Variants in KCNQ3 observed in about 807,000 individuals in gnomAD.
KCNQ3 encodes the protein potassium voltage-gated channel subfamily KQT member 3.
KCNQ3 carries 30 observed loss-of-function variants against 92.5 expected under a neutral mutation model. The observed-to-expected ratio is 0.32, with a 90% CI of 0.24 to 0.44. The LOEUF is 0.44. KCNQ3 is among the 20% of genes least tolerant of loss of function. The pLI is 1.00. For synonymous variants in KCNQ3, 450 were observed against 468.8 expected, an observed-to-expected ratio of 0.96 and a Z score of 0.52; for missense variants, 913 against 1,140.3, an observed-to-expected ratio of 0.80 and a Z score of 2.87.
intron 1 of KCNQ3, among the ~76,000 whole-genome samples, chr8:132,283,011 TG>T (rs1401422125): frequency 6.6e-6 from 1 of 151,666 alleles, no homozygotes; most frequent in East Asian, 1.9e-4. Context: ...AGACAGTGGC[TG>T]GGAGGGAATC....
intron 1 of KCNQ3, among the ~76,000 whole-genome samples, chr8:132,303,734 G>C (rs1817325167): frequency 7.4e-6 from 1 of 135,274 alleles, no homozygotes; most frequent in Admixed American, 7.7e-5. Flanking sequence ...ATATGTACAT[G>C]CCACACATAT....
chr8:132,374,981 T>A (rs1346029656), intron 1 of KCNQ3, among the ~76,000 whole-genome samples: 1 of 152,230 alleles, frequency 6.6e-6, no homozygotes, highest in Non-Finnish European at 1.5e-5. Flanking sequence ...AGGGCTGCAG[T>A]GAACATTCAT....
intron 1 of KCNQ3, among the ~76,000 whole-genome samples, chr8:132,466,523 T>C (rs1216389784): frequency 6.6e-6 from 1 of 152,188 alleles, no homozygotes; most frequent in Non-Finnish European, 1.5e-5. Context: ...CATTCCTGGC[T>C]GTTCTAGATG....
intron 1 of KCNQ3, among the ~76,000 whole-genome samples, chr8:132,299,161 C>CATAT (rs35617146): frequency 0.036 from 5,036 of 140,142 alleles, 167 homozygotes; most frequent in Admixed American, 0.11. Flanking sequence ...GCACATAGTA[C>CATAT]ATATATATAT....
At chr8:132,175,375 G>A in intron 5 of KCNQ3, 78 bp downstream of exon 5, 2 of 1,498,142 alleles carry the variant, frequency 1.3e-6, no homozygotes, top group Non-Finnish European at 1.9e-6. Context: ...GGCTGAACAT[G>A]CTCATGTGAT....
intron 1 of KCNQ3, among the ~76,000 whole-genome samples, chr8:132,300,786 G>C (rs975698954): frequency 5.3e-5 from 8 of 152,142 alleles, no homozygotes; most frequent in Non-Finnish European, 7.3e-5. Context: ...GCCCAACTCT[G>C]GCAGGTTAAT....
intron 1 of KCNQ3, among the ~76,000 whole-genome samples, chr8:132,373,982 C>A (rs1819545283): frequency 6.6e-6 from 1 of 152,114 alleles, no homozygotes; most frequent in Non-Finnish European, 1.5e-5. Context: ...ACCCCCACCC[C>A]CAGGGTGCAT....
At chr8:132,204,231 C>T (rs117223135) in intron 1 of KCNQ3, among the ~76,000 whole-genome samples, 2 of 152,320 alleles carry the variant, frequency 1.3e-5, no homozygotes, top group East Asian at 3.9e-4. Flanking sequence ...GTCTGAGCTG[C>T]GCCGGAGGCA....
chr8:132,184,425 T>G, intron 2 of KCNQ3, 58 bp from the exon 3 acceptor site: 1 of 1,582,622 alleles, frequency 6.3e-7, no homozygotes, highest in Admixed American at 1.7e-5. Context: ...TGTCGGGAGC[T>G]GGTGATTTCT....
At position 132,129,897 on chromosome 8, in the gene KCNQ3, C is replaced by A; in HGVS notation, c.1984G>T (p.Gly662Cys). The change falls in exon 15 of 15, where the codon GGC (glycine) becomes TGC (cysteine). Residue 662 changes from glycine to cysteine, a missense_variant. Coordinates refer to ENST00000388996, the MANE Select transcript of KCNQ3 (RefSeq NM_004519.4). The surrounding 1 kb of genome is among the most constrained non-coding windows in gnomAD (Gnocchi z 5.9). The stretch of plus-strand genomic sequence containing the variant: ...TCTGCTTCAGCTGGCGAGGAGGTGC[C>A]CTTGGTTGGGTAATACTCCGTGACC... ...VQVTEYYPTK[G>C]TSSPAEAEKK... 1 of 1,613,964 alleles carries A rather than the reference C, an allele frequency of 6.2e-7. No homozygotes were observed. The highest frequency in any genetic ancestry group is 8.5e-7 in the Non-Finnish European group (1 of 1,180,000).
intron 1 of KCNQ3, among the ~76,000 whole-genome samples, chr8:132,459,099 A>C (rs1157293968): frequency 2.0e-5 from 3 of 152,146 alleles, no homozygotes; most frequent in Admixed American, 2.0e-4. Context: ...TATTTTGTGG[A>C]ATGTTCCTTG....
chr8:132,184,269 C>T lies in KCNQ3; in HGVS notation c.576G>A (p.Lys192=). 1 of 1,614,150 alleles carries T rather than the reference C, an allele frequency of 6.2e-7. No individual in the cohort carries two copies. Among genetic ancestry groups the T allele is most frequent in the Non-Finnish European group, 8.5e-7 (1 of 1,180,044 alleles). The change falls in exon 3 of 15, where the codon AAG becomes AAA. Residue 192 remains lysine (K), a synonymous_variant. Coordinates refer to ENST00000388996, the MANE Select transcript of KCNQ3 (RefSeq NM_004519.4). ...ACATGCACAGGGGCTTCCTGGCAAA[C>T]TTCAGTCGGCCCCGCCAGCCTTTGT... ...CRYKGWRGRL[K]FARKPLCMLD... is the part of the protein sequence containing the mutation.
At chr8:132,267,509 T>C (rs1194310635) in intron 1 of KCNQ3, among the ~76,000 whole-genome samples, 2 of 152,196 alleles carry the variant, frequency 1.3e-5, no homozygotes, top group East Asian at 3.9e-4. Context: ...GTCACTCTCA[T>C]AATCAAAACC....
chr8:132,392,617 C>T (rs917995052), intron 1 of KCNQ3, among the ~76,000 whole-genome samples: 2 of 151,934 alleles, frequency 1.3e-5, no homozygotes, highest in African/African-American at 4.8e-5. Context: ...ACCTGAGCAA[C>T]ACAGCAAGAC....
At chr8:132,455,981 G>A (rs1030357666) in intron 1 of KCNQ3, among the ~76,000 whole-genome samples, 6 of 151,776 alleles carry the variant, frequency 4.0e-5, no homozygotes, top group African/African-American at 1.2e-4. Context: ...TCCTGACCTC[G>A]TGATCCGCCC....
intron 1 of KCNQ3, among the ~76,000 whole-genome samples, chr8:132,380,931 GA>G (rs553931640): frequency 0.26 from 22,687 of 87,408 alleles, 1,957 homozygotes; most frequent in South Asian, 0.32. Context: ...AATGAAAGCA[GA>G]AAAAAAAAAA....
chr8:132,247,822 T>C (rs1815237763), intron 1 of KCNQ3, among the ~76,000 whole-genome samples: 1 of 151,600 alleles, frequency 6.6e-6, no homozygotes, highest in East Asian at 1.9e-4. Flanking sequence ...AGACAGAATA[T>C]TTCATTCAGC....
intron 1 of KCNQ3, among the ~76,000 whole-genome samples, chr8:132,245,006 T>G (rs778256526): frequency 4.0e-4 from 61 of 152,178 alleles, no homozygotes; most frequent in Admixed American, 1.2e-3. Context: ...AGCATTTCTT[T>G]TACGCATTTA....
At position 132,317,088 on chromosome 8, in the gene KCNQ3, T is replaced by C. The variant is rs554414056; in HGVS notation, c.387-130907A>G. ...TTTTTTCAGTTCCCAAATTATTTAG[T>C]GGTATCTTTTTGCTATCATGCCCTA... is the stretch of plus-strand genomic sequence containing the variant. On this transcript the variant is annotated intron_variant, in intron 1 of 14. Coordinates refer to ENST00000388996, the MANE Select transcript of KCNQ3 (RefSeq NM_004519.4). Among the ~76,000 whole-genome samples the C allele has an allele frequency of 4.6e-5, 7 of 152,346 alleles. No homozygotes were observed. In the South Asian group the frequency reaches 6.2e-4, roughly 14 times the overall value.
Sources: gnomAD v4.1 joint callset for allele counts (sites outside exome capture counted in the v4.1 genomes callset) on GRCh38, gnomAD v4.1.1 for gene constraint, Gnocchi (gnomAD v3.1) non-coding constraint, MANE v1.5 for transcripts, NCBI Gene and HGNC (gene_info 2026-07-23, HGNC 2026-07-21) for gene names.